ZFPM2: variants seen among roughly 807,000 people sequenced by gnomAD.
The protein encoded by ZFPM2 is zinc finger protein, FOG family member 2, also known as zinc finger protein ZFPM2.
Under a neutral mutation model 98.6 loss-of-function variants are expected in ZFPM2, and 20 were observed. The ratio of observed to expected loss-of-function variants is 0.20; its 90% CI spans 0.14 to 0.29. The LOEUF is 0.29. Ranked by LOEUF, ZFPM2 falls within the 10% of genes least tolerant of loss-of-function variation. The probability of loss-of-function intolerance (pLI) is 1.00; values close to 1 mark genes in which losing one functional copy is unlikely to be tolerated. For synonymous variants in ZFPM2, 518 were observed against 502.7 expected (o/e 1.03, Z -0.41); for missense variants, 1,310 against 1,388.6 (o/e 0.94, Z 0.90).
At chr8:105,349,950 T>A (rs1292833663) in intron 1 of ZFPM2, among the ~76,000 whole-genome samples, 2 of 152,216 alleles carry the variant, frequency 1.3e-5, no homozygotes, top group African/African-American at 4.8e-5. Flanking sequence ...CATTATACTA[T>A]AAGGCACTTG....
chr8:105,522,248 G>A (rs958992837), intron 3 of ZFPM2, among the ~76,000 whole-genome samples: 6 of 152,114 alleles, frequency 3.9e-5, no homozygotes, highest in Non-Finnish European at 7.4e-5. Flanking sequence ...AAAAATATAT[G>A]TTTTGGATGA....
intron 5 of ZFPM2, among the ~76,000 whole-genome samples, chr8:105,691,296 C>T (rs112599951): frequency 0.036 from 3,900 of 107,080 alleles, 204 homozygotes; most frequent in Admixed American, 0.055. Context: ...GGCCGGACTG[C>T]GGACTGCAGT....
At chr8:105,699,646 A>T (rs1811096821) in intron 5 of ZFPM2, among the ~76,000 whole-genome samples, 1 of 152,306 alleles carries the variant, frequency 6.6e-6, no homozygotes, top group East Asian at 1.9e-4. Context: ...GATTCCACTG[A>T]AAATTAACTT....
At chr8:105,344,536 C>T (rs987026133) in intron 1 of ZFPM2, among the ~76,000 whole-genome samples, 3 of 152,104 alleles carry the variant, frequency 2.0e-5, no homozygotes, top group South Asian at 2.1e-4. Context: ...TTCTCTACAT[C>T]GATATTTATT....
At position 105,801,957 on chromosome 8, in the gene ZFPM2, C is replaced by T; in HGVS notation, c.1875C>T (p.Cys625=). The T allele has an allele frequency of 1.9e-6, 3 of 1,613,844 alleles. No homozygotes were observed. Among genetic ancestry groups the T allele is most frequent in the South Asian group, 2.2e-5 (2 of 91,078 alleles). The change falls in exon 8 of 8, where the codon TGC becomes TGT. Residue 625 remains cysteine (C), a synonymous_variant. Transcript: ENST00000407775. Reference sequence around the variant, plus strand: ...AGAATCCACTTCTTCAAACATCTTGCATCAATTCTTCCACTGTCTTAGATT... The same window carrying T: ...AGAATCCACTTCTTCAAACATCTTGTATCAATTCTTCCACTGTCTTAGATT... ...DPENPLLQTS[C]INSSTVLDLI...
chr8:105,517,707 C>CACCACA (rs61552974), intron 3 of ZFPM2, among the ~76,000 whole-genome samples: 68 of 124,978 alleles, frequency 5.4e-4, no homozygotes, highest in African/African-American at 1.2e-3. Context: ...CACACACACA[C>CACCACA]CACACACACA....
chr8:105,567,120 TATCTTTTCCAGTATTC>T (rs1815258649), intron 4 of ZFPM2, among the ~76,000 whole-genome samples: 1 of 152,200 alleles, frequency 6.6e-6, no homozygotes, highest in Admixed American at 6.5e-5. Context: ...TTTGCAGTTT[TATCTTTTCCAGTATTC>T]ATCTTTTATC....
intron 4 of ZFPM2, among the ~76,000 whole-genome samples, chr8:105,630,822 A>G (rs1195104837): frequency 6.6e-6 from 1 of 152,136 alleles, no homozygotes; most frequent in Non-Finnish European, 1.5e-5. Context: ...CAACAAGTAA[A>G]CCATTAATAT....
Position 105,468,822 on chromosome 8 carries a change from T to A in ZFPM2, c.301+24441T>A, listed in dbSNP as rs139478634. On this transcript the variant is annotated intron_variant, in intron 3 of 7. Transcript: ENST00000407775. ...TTGTTGGCATTGTTGCAAATTTAAG[T>A]TATTACTAGTTATTGTATTTATTCC... Among the ~76,000 whole-genome samples, 1,287 of 152,304 alleles carry A rather than the reference T, an allele frequency of 8.5e-3. 9 individuals carry two copies. The highest frequency in any genetic ancestry group is 0.011 in the Non-Finnish European group (742 of 68,006).
chr8:105,554,333 T>C (rs1434295890), intron 3 of ZFPM2, among the ~76,000 whole-genome samples: 4 of 152,118 alleles, frequency 2.6e-5, no homozygotes, highest in African/African-American at 7.2e-5. Context: ...GATCTAACCC[T>C]CTTAGGTATC....
chr8:105,419,096 T>C (rs1462866733), intron 1 of ZFPM2, 48 bp from the exon 2 acceptor site: 2 of 1,577,032 alleles, frequency 1.3e-6, no homozygotes, highest in African/African-American at 1.4e-5. Flanking sequence ...TTTATTTCAC[T>C]GTCTTCCTTG....
chr8:105,342,074 G>T (rs569841402), intron 1 of ZFPM2, among the ~76,000 whole-genome samples: 64 of 152,146 alleles, frequency 4.2e-4, no homozygotes, highest in African/African-American at 1.4e-3. Flanking sequence ...TCTAATATGT[G>T]TCTTCTCAGA....
intron 4 of ZFPM2, among the ~76,000 whole-genome samples, chr8:105,612,724 T>C (rs1816331846): frequency 1.3e-5 from 2 of 152,232 alleles, no homozygotes; most frequent in African/African-American, 2.4e-5. Context: ...GTCTGTGAAC[T>C]TTTCTGTCTC....
chr8:105,785,662 G>A (rs998258357), intron 5 of ZFPM2, among the ~76,000 whole-genome samples: 1 of 152,180 alleles, frequency 6.6e-6, no homozygotes, highest in African/African-American at 2.4e-5. Context: ...CCAGCACTTT[G>A]GGAGGCCAAG....
At chr8:105,474,506 CCTT>C (rs1812974420) in intron 3 of ZFPM2, among the ~76,000 whole-genome samples, 1 of 152,040 alleles carries the variant, frequency 6.6e-6, no homozygotes, top group Non-Finnish European at 1.5e-5. Context: ...TGATTTCCCT[CCTT>C]TTTGCTTTTC....
At chr8:105,490,292 A>T (rs1439206698) in intron 3 of ZFPM2, among the ~76,000 whole-genome samples, 3 of 152,186 alleles carry the variant, frequency 2.0e-5, no homozygotes, top group Non-Finnish European at 4.4e-5. Flanking sequence ...AATTTTATCA[A>T]ATGTTTATTT....
chr8:105,348,372 G>A (rs1440046377), intron 1 of ZFPM2, among the ~76,000 whole-genome samples: 3 of 152,176 alleles, frequency 2.0e-5, no homozygotes, highest in Non-Finnish European at 2.9e-5. Context: ...GGGGCTCTGT[G>A]TTATCTCTGT....
chr8:105,737,602 G>A (rs1337244269), intron 5 of ZFPM2: 2 of 152,240 alleles, frequency 1.3e-5, no homozygotes, highest in Admixed American at 1.3e-4. Context: ...AATTCTTAGA[G>A]CTTTTCAATC....
chr8:105,616,667 T>TAAC (rs1816422079), intron 4 of ZFPM2: 2 of 335,970 alleles, frequency 6.0e-6, no homozygotes, highest in East Asian at 1.0e-4. Context: ...GGTATAACAA[T>TAAC]AATAATAATA....
Sources: allele counts gnomAD v4.1 joint callset (sites outside exome capture counted in the v4.1 genomes callset), GRCh38; gene constraint gnomAD v4.1.1; transcripts MANE v1.5; gene names NCBI Gene and HGNC (gene_info 2026-07-23, HGNC 2026-07-21).